The following PRKCH variants were observed in gnomAD, a reference collection of about 807,000 sequenced individuals.
The protein encoded by PRKCH is protein kinase C eta type.
Under a neutral mutation model 82.5 loss-of-function variants are expected in PRKCH, and 28 were observed. The observed-to-expected ratio is 0.34, with a 90% CI of 0.25 to 0.47. The LOEUF (loss-of-function observed/expected upper bound fraction) is 0.47. PRKCH is among the 20% of genes least tolerant of loss of function. The pLI is 1.00. For synonymous variants in PRKCH, 322 were observed against 327.4 expected, an observed-to-expected ratio of 0.98 and a Z score of 0.18; for missense variants, 705 against 881.8, an observed-to-expected ratio of 0.80 and a Z score of 2.54.
rs746754143 is a variant in PRKCH, at chr14:61,391,205, A to AT, written c.364-11dup. The AT allele has an allele frequency of 5.6e-4, 879 of 1,561,128 alleles. No homozygotes were observed. Among genetic ancestry groups the AT allele is most frequent in the Middle Eastern group, 1.0e-3 (6 of 5,962 alleles). On this transcript the variant is annotated intron_variant, in intron 1 of 13. Transcript: ENST00000332981. ...ATTTTAAAACTAACATATAATATAC[A>AT]TTTTTTTTTCTCTTTGTAGGTGGAT...
intron 12 of PRKCH, among the ~76,000 whole-genome samples, chr14:61,538,204 A>G (rs1487437797): frequency 6.6e-6 from 1 of 152,240 alleles, no homozygotes; most frequent in African/African-American, 2.4e-5. Flanking sequence ...AAAGAAAGTT[A>G]TCAAAAGATC....
chr14:61,284,891 C>G (rs772004526), intron 1 of PRKCH, among the ~76,000 whole-genome samples: 17 of 149,916 alleles, frequency 1.1e-4, no homozygotes, highest in Non-Finnish European at 1.8e-4. Context: ...TTAAGATATA[C>G]ACACAATTAT....
At chr14:61,267,768 G>A (rs539132274) in intron 1 of PRKCH, among the ~76,000 whole-genome samples, 1 of 152,162 alleles carries the variant, frequency 6.6e-6, no homozygotes, top group Admixed American at 6.5e-5. Flanking sequence ...CCACTGTCTT[G>A]TTGTTATGCT....
chr14:61,321,964 G>A lies in PRKCH; in HGVS notation c.-138G>A, dbSNP rs959341893. The A allele has an allele frequency of 1.1e-6, 1 of 919,908 alleles. No homozygotes were observed. The highest frequency in any genetic ancestry group is 2.9e-5 in the Admixed American group (1 of 34,016). 57.0% of individuals were successfully genotyped at this position (919,908 alleles called of 1,614,324 possible). ...CACGGAGGAGGCAGAATGGCCAGTC[G>A]AGGGGCGCTTAGGCGCTGCCTTTCC... On this transcript the variant is annotated 5_prime_UTR_variant, in exon 1 of 14. Transcript: ENST00000332981. This position sits in a 1 kb window ranked among gnomAD's most constrained non-coding sequence, Gnocchi z 4.1.
Position 61,549,844 on chromosome 14 carries a change from TGA to T in PRKCH, c.*21_*22del, listed in dbSNP as rs1253050141. 5 of 1,610,896 alleles carry T rather than the reference TGA, an allele frequency of 3.1e-6. No individual in the cohort carries two copies. Among genetic ancestry groups the T allele is most frequent in the South Asian group, 1.1e-5 (1 of 90,728 alleles). The stretch of plus-strand genomic sequence containing the variant: ...ATTGCAACCATAGCCTTATGGGGAG[TGA>T]GAGAGAGGGCACGAGAACCCAAAGG... On this transcript the variant is annotated 3_prime_UTR_variant, in exon 14 of 14. Coordinates refer to ENST00000332981, the MANE Select transcript of PRKCH (RefSeq NM_006255.5).
chr14:61,356,124 C>T (rs1376426629), intron 1 of PRKCH, among the ~76,000 whole-genome samples: 1 of 152,148 alleles, frequency 6.6e-6, no homozygotes, highest in Non-Finnish European at 1.5e-5. Flanking sequence ...GATGACAACT[C>T]ATCCAGGGTG....
chr14:61,238,764 C>T (rs2044811264), intron 1 of PRKCH, among the ~76,000 whole-genome samples: 1 of 152,156 alleles, frequency 6.6e-6, no homozygotes, highest in South Asian at 2.1e-4. Context: ...TCCCCATTCT[C>T]TTGTTAATTA....
At chr14:61,216,142 G>C (rs2044614812) in intron 1 of PRKCH, among the ~76,000 whole-genome samples, 1 of 152,138 alleles carries the variant, frequency 6.6e-6, no homozygotes, top group Non-Finnish European at 1.5e-5. Context: ...TTTGCTGTCA[G>C]GTTGGTGAAA....
Position 61,448,669 on chromosome 14 carries a change from G to C in PRKCH, c.614-495G>C, listed in dbSNP as rs1945208074. Among the ~76,000 whole-genome samples the C allele has an allele frequency of 5.9e-5, 9 of 152,254 alleles. 1 individual carries two copies. The South Asian group carries it at 1.9e-3, about 32-fold the overall frequency. On this transcript the variant is annotated intron_variant, in intron 4 of 13. Transcript: ENST00000332981. The stretch of plus-strand genomic sequence containing the variant: ...ATTTGGTTAGTTGATAGGCAAAAAG[G>C]ATATCCCAGGGAGAGAAAAGGGCAT...
At chr14:61,346,139 T>C (rs2045989417) in intron 1 of PRKCH, among the ~76,000 whole-genome samples, 1 of 152,106 alleles carries the variant, frequency 6.6e-6, no homozygotes, top group African/African-American at 2.4e-5. Context: ...AGATGACAGC[T>C]CCCCAAATGG....
intron 9 of PRKCH, among the ~76,000 whole-genome samples, chr14:61,472,750 A>G (rs1334370127): frequency 6.6e-6 from 1 of 152,216 alleles, no homozygotes; most frequent in South Asian, 2.1e-4. Flanking sequence ...AGAACCTTAA[A>G]TGCTATCTTA....
At chr14:61,247,513 A>C (rs961028798) in intron 1 of PRKCH, among the ~76,000 whole-genome samples, 1 of 152,078 alleles carries the variant, frequency 6.6e-6, no homozygotes, top group African/African-American at 2.4e-5. Flanking sequence ...AGGTGGGCAG[A>C]TCACCTGAGG....
At chr14:61,373,424 G>A (rs1388368817) in intron 1 of PRKCH, among the ~76,000 whole-genome samples, 1 of 151,848 alleles carries the variant, frequency 6.6e-6, no homozygotes, top group Non-Finnish European at 1.5e-5. Flanking sequence ...CAGCAAGGGG[G>A]AAGTCTGCTT....
intron 2 of PRKCH, among the ~76,000 whole-genome samples, chr14:61,405,335 CAAAAATAAAGTCAGA>C (rs1881880143): frequency 6.6e-6 from 1 of 151,356 alleles, no homozygotes. Context: ...CCTCACTCAT[CAAAAATAAAGTCAGA>C]AAATTTAGGC....
At chr14:61,528,402 C>A (rs1301720221) in intron 10 of PRKCH, among the ~76,000 whole-genome samples, 1 of 152,076 alleles carries the variant, frequency 6.6e-6, no homozygotes, top group Non-Finnish European at 1.5e-5. Context: ...CCATGTTGTC[C>A]AGGCTAGTTT....
intron 1 of PRKCH, among the ~76,000 whole-genome samples, chr14:61,358,963 T>C (rs992475023): frequency 1.3e-5 from 2 of 152,164 alleles, no homozygotes. Context: ...CAGGATAAGT[T>C]AGGTAATCTT....
At chr14:61,398,483 T>C (rs2046817128) in intron 2 of PRKCH, among the ~76,000 whole-genome samples, 1 of 152,224 alleles carries the variant, frequency 6.6e-6, no homozygotes, top group Non-Finnish European at 1.5e-5. Flanking sequence ...TTTTACGATT[T>C]GAAGAGAACA....
intron 1 of PRKCH, among the ~76,000 whole-genome samples, chr14:61,268,045 C>T (rs560427943): frequency 6.6e-6 from 1 of 152,266 alleles, no homozygotes; most frequent in East Asian, 1.9e-4. Flanking sequence ...CCTTCATGTT[C>T]AGAGTCCAAC....
rs1373054294 is a variant in PRKCH, at chr14:61,550,497, C to T, written c.*666C>T. 1.3e-5 allele frequency: 2 copies of T among 152,638 alleles called. No homozygotes were observed. The highest frequency in any genetic ancestry group is 6.5e-5 in the Admixed American group (1 of 15,288). 9.5% of individuals were successfully genotyped at this position (152,638 alleles called of 1,614,324 possible). A position where few individuals can be genotyped will look rare whatever the true frequency, so the allele number is the denominator to read the frequency against. On this transcript the variant is annotated 3_prime_UTR_variant, in exon 14 of 14. Transcript: ENST00000332981. ...TGTCCAGTGAAAAGGTGCCACAATGCCCAGTATTGTAAACAACAGGTTTGC... is the reference window on the plus strand; with the variant it reads ...TGTCCAGTGAAAAGGTGCCACAATGTCCAGTATTGTAAACAACAGGTTTGC...
Sources: gnomAD v4.1 joint callset for allele counts (sites outside exome capture counted in the v4.1 genomes callset) on GRCh38, gnomAD v4.1.1 for gene constraint, Gnocchi (gnomAD v3.1) non-coding constraint, MANE v1.5 for transcripts, NCBI Gene and HGNC (gene_info 2026-07-23, HGNC 2026-07-21) for gene names.